SLAMF7: variants seen among roughly 807,000 people sequenced by gnomAD.
SLAMF7 encodes the protein 19A24 protein.
SLAMF7 carries 26 observed loss-of-function variants against 34.1 expected under a neutral mutation model. The ratio of observed to expected loss-of-function variants is 0.76; its 90% confidence interval spans 0.56 to 1.06. SLAMF7 has a LOEUF of 1.06. Among genes scored for constraint, SLAMF7 ranks in the 50% least tolerant of loss-of-function variants. The pLI, the probability that SLAMF7 is intolerant of heterozygous loss-of-function variation, is 0.00. For synonymous variants in SLAMF7, 171 were observed against 156.4 expected (o/e 1.09, Z -0.70); for missense variants, 399 against 402.5 (o/e 0.99, Z 0.07).
chr1:160,747,297 CT>C (rs1232869747), intron 1 of SLAMF7, among the ~76,000 whole-genome samples: 9 of 152,154 alleles, frequency 5.9e-5, no homozygotes, highest in Non-Finnish European at 1.2e-4. Context: ...TACTAGGTGG[CT>C]TGAGTAAGTC....
At position 160,751,147 on chromosome 1, in the gene SLAMF7, G is replaced by A. The variant is rs1394762119; in HGVS notation, c.770-198G>A. 7.1e-6 allele frequency: 4 copies of A among 559,622 alleles called. No individual in the cohort carries two copies. The East Asian group carries it at 1.2e-4, about 17-fold the overall frequency. 34.7% of individuals were successfully genotyped at this position (559,622 alleles called of 1,614,324 possible). The stretch of plus-strand genomic sequence containing the variant: ...GGAGAGATCAGGAAGTGAAATGTTG[G>A]GGGTGGCCAATTCATCCTGATTTGT... On this transcript the variant is annotated intron_variant, in intron 4 of 6. Coordinates refer to ENST00000368043, the MANE Select transcript of SLAMF7 (RefSeq NM_021181.5).
Position 160,753,290 on chromosome 1 carries a change from A to G in SLAMF7, c.*113A>G. ...TAGAAACATCAAGGAAGAATGAAGA[A>G]CGTTGACTTTTTTCCAGGATAAATT... On this transcript the variant is annotated 3_prime_UTR_variant, in exon 7 of 7. Coordinates refer to ENST00000368043, the MANE Select transcript of SLAMF7 (RefSeq NM_021181.5). 1 of 900,430 alleles carries G rather than the reference A, an allele frequency of 1.1e-6. No homozygotes were observed. 55.8% of individuals were successfully genotyped at this position (900,430 alleles called of 1,614,324 possible).
intron 2 of SLAMF7, among the ~76,000 whole-genome samples, chr1:160,748,938 A>G (rs896803467): frequency 6.6e-6 from 1 of 152,230 alleles, no homozygotes; most frequent in Non-Finnish European, 1.5e-5. Context: ...TAGATGCAAG[A>G]AGGAGGGGAT....
chr1:160,744,753 T>C (rs1464206045), intron 1 of SLAMF7, among the ~76,000 whole-genome samples: 1 of 152,216 alleles, frequency 6.6e-6, no homozygotes, highest in Non-Finnish European at 1.5e-5. Context: ...CTGTACCCAT[T>C]TGGGGCCAAA....
At chr1:160,743,715 G>T (rs1663923087) in intron 1 of SLAMF7, among the ~76,000 whole-genome samples, 1 of 152,196 alleles carries the variant, frequency 6.6e-6, no homozygotes, top group South Asian at 2.1e-4. Flanking sequence ...TGTCTCCAGG[G>T]TCTCACTCTG....
chr1:160,749,741 G>A (rs894260917), intron 2 of SLAMF7, 80 bp from the exon 3 acceptor site: 13 of 1,307,818 alleles, frequency 9.9e-6, no homozygotes, highest in Non-Finnish European at 1.2e-5. Context: ...GGAGATTCAG[G>A]TCCAAGGTAT....
In SLAMF7 at chr1:160,750,108, C is replaced by T; in HGVS notation, c.649+15C>T. The T allele has an allele frequency of 6.2e-7, 1 of 1,611,844 alleles. No homozygotes were observed. Among genetic ancestry groups the T allele is most frequent in the Non-Finnish European group, 8.5e-7 (1 of 1,178,748 alleles). ...GCTCTGTGAAGGTGACTGCCTCTCC[C>T]CTCTCCACAGGAGACTCTGCCCAGG... is the stretch of plus-strand genomic sequence containing the variant. On this transcript the variant is annotated intron_variant, in intron 3 of 6. Transcript: ENST00000368043.
intron 5 of SLAMF7, 38 bp from the exon 6 acceptor site, chr1:160,752,148 G>A (rs1553252858): frequency 6.6e-7 from 1 of 1,522,784 alleles, no homozygotes; most frequent in Non-Finnish European, 9.1e-7. Flanking sequence ...TCAGGAGGTG[G>A]GTGATGATTT....
In SLAMF7 at chr1:160,753,132, G is replaced by C; in HGVS notation, c.963G>C (p.Thr321=). 6.2e-7 allele frequency: 1 copy of C among 1,613,288 alleles called. No homozygotes were observed. Reference sequence around the variant, plus strand: ...TGGAAAATCCCCACTCACTGCTCACGATGCCAGACACACCAAGGCTATTTG... The same window carrying C: ...TGGAAAATCCCCACTCACTGCTCACCATGCCAGACACACCAAGGCTATTTG... The part of the protein sequence containing the change: ...KKMENPHSLL[T]MPDTPRLFAY... The change falls in exon 7 of 7, where the codon ACG becomes ACC. Residue 321 remains threonine, a synonymous_variant. Coordinates refer to ENST00000368043, the MANE Select transcript of SLAMF7 (RefSeq NM_021181.5).
chr1:160,742,242 A>G (rs767999796), intron 1 of SLAMF7, among the ~76,000 whole-genome samples: 3 of 152,166 alleles, frequency 2.0e-5, no homozygotes, highest in Non-Finnish European at 4.4e-5. Flanking sequence ...CCTTCCTGTT[A>G]CAGAGGAAAT....
At chr1:160,752,745 C>T (rs1032257902) in intron 6 of SLAMF7, among the ~76,000 whole-genome samples, 3 of 152,136 alleles carry the variant, frequency 2.0e-5, no homozygotes, top group African/African-American at 4.8e-5. Flanking sequence ...TCACAGAGTA[C>T]GGTTGGCAGC....
chr1:160,751,566 T>A, intron 5 of SLAMF7, 118 bp downstream of exon 5: 2 of 749,174 alleles, frequency 2.7e-6, no homozygotes, highest in Non-Finnish European at 4.5e-6. Flanking sequence ...TATATAGACT[T>A]AAAACTCAAT....
intron 3 of SLAMF7, 87 bp from the exon 4 acceptor site, chr1:160,750,217 G>T: frequency 1.3e-6 from 2 of 1,581,880 alleles, no homozygotes; most frequent in Non-Finnish European, 1.7e-6. Context: ...ACCAGGCTGG[G>T]AGGAAGGTGG....
At chr1:160,739,448 T>A in intron 1 of SLAMF7, 92 bp downstream of exon 1, 1 of 1,066,016 alleles carries the variant, frequency 9.4e-7, no homozygotes, top group Non-Finnish European at 1.4e-6. Flanking sequence ...CTGGCTCAAC[T>A]CGGGAGGCTC....
intron 5 of SLAMF7, chr1:160,751,858 C>CTATATA (rs1664638731): frequency 2.7e-5 from 1 of 36,482 alleles, no homozygotes. Flanking sequence ...CTCTCTCTCT[C>CTATATA]TCTCTATATA....
intron 1 of SLAMF7, among the ~76,000 whole-genome samples, chr1:160,741,041 TC>T (rs756306445): frequency 9.9e-5 from 15 of 152,238 alleles, no homozygotes; most frequent in Admixed American, 2.0e-4. Context: ...AGTTGGGGTT[TC>T]TTCCCTCTCC....
chr1:160,751,516 A>T (rs1261798713), intron 5 of SLAMF7, 68 bp downstream of exon 5: 24 of 1,309,170 alleles, frequency 1.8e-5, no homozygotes, highest in Non-Finnish European at 2.2e-5. Context: ...AGGTTTTTCC[A>T]TGGGTTTGGA....
chr1:160,745,575 A>T (rs576374211), intron 1 of SLAMF7, among the ~76,000 whole-genome samples: 4 of 152,096 alleles, frequency 2.6e-5, no homozygotes, highest in African/African-American at 7.2e-5. Context: ...GAGTTAGCAA[A>T]TTTTTTCTGA....
At chr1:160,752,330 C>A in intron 6 of SLAMF7, 82 bp downstream of exon 6, 1 of 1,096,090 alleles carries the variant, frequency 9.1e-7, no homozygotes, top group Non-Finnish European at 1.4e-6. Flanking sequence ...TTTCTTGGAC[C>A]CAGGTATCTC....
Sources: allele counts gnomAD v4.1 joint callset (sites outside exome capture counted in the v4.1 genomes callset), GRCh38; gene constraint gnomAD v4.1.1; transcripts MANE v1.5; gene names NCBI Gene and HGNC (gene_info 2026-07-23, HGNC 2026-07-21).